The following NID1 variants were observed in gnomAD, a reference collection of about 807,000 sequenced individuals.
The protein encoded by NID1 is nidogen-1.
A neutral mutation model predicts 130.6 loss-of-function variants in NID1; 76 were observed. The observed-to-expected ratio is 0.58, with a 90% CI of 0.48 to 0.70. NID1 has a LOEUF of 0.70. Ranked by LOEUF, NID1 falls within the 30% of genes least tolerant of loss-of-function variation. The pLI is 0.00. For synonymous variants in NID1, 665 were observed against 675.1 expected, an observed-to-expected ratio of 0.98 and a Z score of 0.23; for missense variants, 1,517 against 1,664.8, an observed-to-expected ratio of 0.91 and a Z score of 1.54.
In NID1 at chr1:235,980,622, T is replaced by C; in HGVS notation, c.3259A>G (p.Asn1087Asp). Reference sequence around the variant, plus strand: ...ATGTAGGAAGTTTCAATCTTGGGGTTATCTCTGTTCCAGTCTGTCCAGTAA... The same window carrying C: ...ATGTAGGAAGTTTCAATCTTGGGGTCATCTCTGTTCCAGTCTGTCCAGTAA... ...NLYWTDWNRD[N>D]PKIETSYMDG... The change falls in exon 17 of 20, where the codon AAC becomes GAC. Residue 1087 changes from asparagine (N) to aspartate (D), a missense_variant. By Grantham distance (23) the Asn-to-Asp change is conservative (BLOSUM62 1). Around this residue, in one of 3 missense-constraint regions of NID1, gnomAD observed 181 missense variants for 211.3 expected, o/e 0.86. Coordinates refer to ENST00000264187, the MANE Select transcript of NID1 (RefSeq NM_002508.3). The C allele has an allele frequency of 6.2e-7, 1 of 1,614,154 alleles. No individual in the cohort carries two copies. The highest frequency in any genetic ancestry group is 8.5e-7 in the Non-Finnish European group (1 of 1,180,028).
In NID1 at chr1:235,979,756, T is replaced by G. The variant is rs1657377256; in HGVS notation, c.3509+66A>C. The stretch of plus-strand genomic sequence containing the variant: ...GCCAAGAGGCCAGATGGGAAGGGCC[T>G]GGCCTCCCAGAGACAGTGGGTGGAG... On this transcript the variant is annotated intron_variant, in intron 18 of 19. Coordinates refer to ENST00000264187, the MANE Select transcript of NID1 (RefSeq NM_002508.3). This position sits in a 1 kb window ranked among gnomAD's most constrained non-coding sequence, Gnocchi z 4.6. The G allele has an allele frequency of 6.3e-7, 1 of 1,589,372 alleles. No individual in the cohort carries two copies. The highest frequency in any genetic ancestry group is 1.3e-5 in the African/African-American group (1 of 74,328).
In NID1 at chr1:235,996,864, T is replaced by C. The variant is rs190071074; in HGVS notation, c.2528-2992A>G. Among the ~76,000 whole-genome samples the C allele has an allele frequency of 4.9e-3, 739 of 152,206 alleles. 7 individuals carry two copies. Among genetic ancestry groups the C allele is most frequent in the African/African-American group, 0.017 (699 of 41,530 alleles). On this transcript the variant is annotated intron_variant, in intron 12 of 19. Transcript: ENST00000264187. ...TGCTTTTTTTTCTGAGATGGAGTTT[T>C]GCTCTTGTTGCCTGGGCTGGAGTGC...
chr1:236,045,104 C>T (rs1299215373), intron 3 of NID1, among the ~76,000 whole-genome samples: 1 of 149,250 alleles, frequency 6.7e-6, no homozygotes, highest in Non-Finnish European at 1.5e-5. Context: ...GAAGCTGAGG[C>T]GAGAGAATCA....
intron 8 of NID1, among the ~76,000 whole-genome samples, chr1:236,025,397 G>A (rs979699849): frequency 2.0e-5 from 3 of 151,550 alleles, no homozygotes; most frequent in Non-Finnish European, 4.4e-5. Flanking sequence ...AAGTAGCTGG[G>A]ATTTCAGGCA....
chr1:236,007,819 C>A (rs1658292688), intron 12 of NID1, among the ~76,000 whole-genome samples: 1 of 152,144 alleles, frequency 6.6e-6, no homozygotes, highest in Non-Finnish European at 1.5e-5. Context: ...GAAAGCTGCT[C>A]CTGAACTCCT....
chr1:236,046,497 A>C (rs114546281), intron 2 of NID1, among the ~76,000 whole-genome samples: 3,693 of 152,144 alleles, frequency 0.024, 123 homozygotes, highest in African/African-American at 0.08. Flanking sequence ...TCAAGGCCTC[A>C]CGGGAGGGCC....
Position 235,977,652 on chromosome 1 carries a change from G to T in NID1, c.*215C>A, listed in dbSNP as rs1657307565. On this transcript the variant is annotated 3_prime_UTR_variant, in exon 20 of 20. Coordinates refer to ENST00000264187, the MANE Select transcript of NID1 (RefSeq NM_002508.3). ...TGAGGGTTGGGGGTAGGGGTGGAGGGTTCTGTCCTTGTGTAGGGGTGGAGA... is the reference window on the plus strand; with the variant it reads ...TGAGGGTTGGGGGTAGGGGTGGAGGTTTCTGTCCTTGTGTAGGGGTGGAGA... The T allele has an allele frequency of 1.1e-5, 6 of 542,258 alleles. No homozygotes were observed. In the South Asian group the frequency reaches 1.2e-4, roughly 11 times the overall value. 33.6% of individuals were successfully genotyped at this position (542,258 alleles called of 1,614,324 possible). A position where few individuals can be genotyped will look rare whatever the true frequency, so the allele number is the denominator to read the frequency against.
At position 236,046,548 on chromosome 1, in the gene NID1, G is replaced by C. The variant is rs561741997; in HGVS notation, c.526-865C>G. 4.6e-5 allele frequency among the ~76,000 whole-genome samples: 7 copies of C among 151,258 alleles called. No homozygotes were observed. The South Asian group carries it at 1.2e-3, about 27-fold the overall frequency. On this transcript the variant is annotated intron_variant, in intron 2 of 19. Transcript: ENST00000264187. ...AGCAGGAGGAAGCTGCCACCTGTAG[G>C]GGGGTCAGGGAGAGGACGTCCCAAA...
intron 16 of NID1, among the ~76,000 whole-genome samples, chr1:235,980,892 G>A (rs1281363158): frequency 6.6e-6 from 1 of 152,168 alleles, no homozygotes; most frequent in Non-Finnish European, 1.5e-5. Flanking sequence ...TAACATAACT[G>A]ACATATAATA....
chr1:236,055,506 G>A (rs1029309570), intron 1 of NID1, among the ~76,000 whole-genome samples: 3 of 151,706 alleles, frequency 2.0e-5, no homozygotes, highest in Non-Finnish European at 4.4e-5. Context: ...CATATAACAG[G>A]TCTGGTGCAG....
intron 1 of NID1, among the ~76,000 whole-genome samples, chr1:236,052,203 G>A (rs528881505): frequency 9.2e-5 from 14 of 152,282 alleles, no homozygotes; most frequent in African/African-American, 2.2e-4. Flanking sequence ...AAATATTCCC[G>A]TCCACTTGGG....
chr1:236,008,069 CACAA>C (rs1382581299), intron 12 of NID1, among the ~76,000 whole-genome samples: 12 of 152,314 alleles, frequency 7.9e-5, no homozygotes, highest in African/African-American at 2.4e-4. Flanking sequence ...CATGCACATA[CACAA>C]ACATACATAC....
chr1:236,020,007 T>C (rs996840521), intron 9 of NID1, among the ~76,000 whole-genome samples: 19 of 138,498 alleles, frequency 1.4e-4, no homozygotes, highest in Non-Finnish European at 2.9e-4. Context: ...ATTGTACTCC[T>C]GCCTGGGCGA....
intron 13 of NID1, among the ~76,000 whole-genome samples, chr1:235,991,935 C>T (rs1013672478): frequency 2.0e-5 from 3 of 152,184 alleles, no homozygotes; most frequent in Admixed American, 6.5e-5. Context: ...CTTCCAAGAA[C>T]AAAATCATGG....
chr1:235,993,208 G>A (rs1230211416), intron 13 of NID1, among the ~76,000 whole-genome samples: 1 of 152,182 alleles, frequency 6.6e-6, no homozygotes, highest in East Asian at 1.9e-4. Flanking sequence ...TACTGCCTAG[G>A]GCACAGAGCC....
At chr1:236,018,022 C>T (rs1658651948) in intron 9 of NID1, among the ~76,000 whole-genome samples, 1 of 152,126 alleles carries the variant, frequency 6.6e-6, no homozygotes, top group South Asian at 2.1e-4. Flanking sequence ...GAAAATTGAA[C>T]AATTTACAGC....
In NID1 at chr1:236,013,400, C is replaced by A; in HGVS notation, c.2404+11G>T. On this transcript the variant is annotated intron_variant, in intron 11 of 19. Coordinates refer to ENST00000264187, the MANE Select transcript of NID1 (RefSeq NM_002508.3). The stretch of plus-strand genomic sequence containing the variant: ...GGTTACACACAGGGGAAGATCAGAG[C>A]AACCACACACCTTGGCAGGCTTGGC... The A allele has an allele frequency of 6.2e-7, 1 of 1,613,498 alleles. No individual in the cohort carries two copies. The highest frequency in any genetic ancestry group is 8.5e-7 in the Non-Finnish European group (1 of 1,179,922).
In NID1 at chr1:236,045,579, C is replaced by T. The variant is rs1221733093; in HGVS notation, c.630G>A (p.Lys210=). The T allele has an allele frequency of 6.2e-7, 1 of 1,614,102 alleles. No individual in the cohort carries two copies. Among genetic ancestry groups the T allele is most frequent in the Non-Finnish European group, 8.5e-7 (1 of 1,180,028 alleles). The change falls in exon 3 of 20, where the codon AAG becomes AAA. Residue 210 remains lysine (K), a synonymous_variant. Coordinates refer to ENST00000264187, the MANE Select transcript of NID1 (RefSeq NM_002508.3). ...CCACGGCAGGAACTTGGTTGTTTTC[C>T]TTCTTTGAGAATGTCGTATGGAACT... The part of the protein sequence containing the change: ...GLQFHTTFSK[K]ENNQVPAVVA...
intron 2 of NID1, among the ~76,000 whole-genome samples, chr1:236,047,413 T>C (rs906029000): frequency 3.3e-5 from 5 of 152,164 alleles, no homozygotes; most frequent in Non-Finnish European, 7.4e-5. Flanking sequence ...GAAATTATTT[T>C]TCCAAGGGAA....
Sources: allele counts gnomAD v4.1 joint callset (sites outside exome capture counted in the v4.1 genomes callset), GRCh38; gene constraint gnomAD v4.1.1; regional missense constraint gnomAD v4.1.1; non-coding constraint Gnocchi (gnomAD v3.1); transcripts MANE v1.5; gene names NCBI Gene and HGNC (gene_info 2026-07-23, HGNC 2026-07-21).